The following SLC51A variants were observed in gnomAD, a reference collection of about 807,000 sequenced individuals.
SLC51A encodes organic solute transporter subunit alpha.
SLC51A carries 22 observed loss-of-function variants against 34.8 expected under a neutral mutation model. The observed-to-expected ratio is 0.63, with a 90% CI of 0.45 to 0.90. The LOEUF (loss-of-function observed/expected upper bound fraction) is 0.90. Among genes scored for constraint, SLC51A ranks in the 40% least tolerant of loss-of-function variants. The pLI is 0.00. For synonymous variants in SLC51A, 181 were observed against 176.3 expected (o/e 1.03, Z -0.21); for missense variants, 371 against 414.8 (o/e 0.89, Z 0.92).
intron 3 of SLC51A, 79 bp downstream of exon 3, chr3:196,227,198 A>ACGTCACTTC (rs147316733): frequency 0.36 from 479,257 of 1,345,820 alleles, 91,345 homozygotes; most frequent in East Asian, 0.84. Context: ...TAAACTCAGC[A>ACGTCACTTC]CGTCACTTCG....
intron 6 of SLC51A, among the ~76,000 whole-genome samples, chr3:196,229,470 C>A (rs981298298): frequency 6.6e-6 from 1 of 151,154 alleles, no homozygotes; most frequent in African/African-American, 2.4e-5. Flanking sequence ...CTCCGCCTCC[C>A]GGGTTTAAGT....
At position 196,216,825 on chromosome 3, in the gene SLC51A, C is replaced by A; in HGVS notation, c.38+75C>A. 1 of 1,423,500 alleles carries A rather than the reference C, an allele frequency of 7.0e-7. No individual in the cohort carries two copies. The highest frequency in any genetic ancestry group is 1.3e-5 in the South Asian group (1 of 76,916). The allele number at this position is 1,423,500 out of a possible 1,614,324, so 88.2% of individuals were successfully genotyped here. A position where few individuals can be genotyped will look rare whatever the true frequency, so the allele number is the denominator to read the frequency against. ...CTATCCCGCGGCCTGTCCTCTCTCC[C>A]TCCCAGAGCCCTTTGGCGGCCGCAC... On this transcript the variant is annotated intron_variant, in intron 1 of 8. Transcript: ENST00000296327. This position sits in a 1 kb window ranked among gnomAD's most constrained non-coding sequence, Gnocchi z 4.5.
intron 2 of SLC51A, 132 bp from the exon 3 acceptor site, chr3:196,226,833 G>C: frequency 1.4e-6 from 1 of 730,184 alleles, no homozygotes; most frequent in Non-Finnish European, 2.2e-6. Flanking sequence ...GAATACTCTA[G>C]GTCTAAAAAA....
chr3:196,223,605 G>A (rs550754195), intron 2 of SLC51A, among the ~76,000 whole-genome samples: 111 of 151,750 alleles, frequency 7.3e-4, no homozygotes, highest in African/African-American at 2.5e-3. Context: ...AATGGCCCCC[G>A]CTTCCCAACC....
At chr3:196,221,999 T>A (rs1029863709) in intron 2 of SLC51A, among the ~76,000 whole-genome samples, 1 of 152,164 alleles carries the variant, frequency 6.6e-6, no homozygotes, top group Admixed American at 6.5e-5. Flanking sequence ...ATGACAGGCG[T>A]GAGCCCCCCC....
At chr3:196,228,000 G>A in intron 4 of SLC51A, 115 bp from the exon 5 acceptor site, 1 of 1,401,122 alleles carries the variant, frequency 7.1e-7, no homozygotes, top group Non-Finnish European at 9.8e-7. Flanking sequence ...GCCCCTCTTG[G>A]GTCACACACC....
intron 4 of SLC51A, 65 bp downstream of exon 4, chr3:196,227,802 C>A: frequency 6.9e-7 from 1 of 1,455,396 alleles, no homozygotes; most frequent in Non-Finnish European, 9.5e-7. Flanking sequence ...GACTCGAGTC[C>A]GTGTCCTTGA....
At chr3:196,227,374 C>T in intron 3 of SLC51A, 3 of 592,264 alleles carry the variant, frequency 5.1e-6, no homozygotes, top group Non-Finnish European at 9.0e-6. Context: ...CCTTGCTCCC[C>T]GCTACAGTGT....
At chr3:196,217,655 G>A (rs999912248) in intron 1 of SLC51A, among the ~76,000 whole-genome samples, 187 bp from the exon 2 acceptor site, 2 of 151,394 alleles carry the variant, frequency 1.3e-5, no homozygotes, top group Non-Finnish European at 2.9e-5. Flanking sequence ...AAGGGGAAGG[G>A]GAAGGGAGAG....
intron 2 of SLC51A, among the ~76,000 whole-genome samples, chr3:196,222,496 A>G (rs1314346796): frequency 6.6e-6 from 1 of 151,636 alleles, no homozygotes; most frequent in Non-Finnish European, 1.5e-5. Context: ...TTAGCTGGGC[A>G]TGGTGGTGGG....
chr3:196,217,716 G>A lies in SLC51A; in HGVS notation c.39-126G>A, dbSNP rs144637935. 147 of 645,480 alleles carry A rather than the reference G, an allele frequency of 2.3e-4. 1 individual carries two copies. In the East Asian group the frequency reaches 3.2e-3, roughly 14 times the overall value. The allele number at this position is 645,480 out of a possible 1,614,324, so 40.0% of individuals were successfully genotyped here. A position where few individuals can be genotyped will look rare whatever the true frequency, so the allele number is the denominator to read the frequency against. On this transcript the variant is annotated intron_variant, in intron 1 of 8. Transcript: ENST00000296327. ...AAGGAAGGAAGGAAAGAAAGAAAGAGAGAGAAAGAGGCCCTGAGGGGAAAT... is the reference window on the plus strand; with the variant it reads ...AAGGAAGGAAGGAAAGAAAGAAAGAAAGAGAAAGAGGCCCTGAGGGGAAAT...
At position 196,232,801 on chromosome 3, in the gene SLC51A, T is replaced by TA. The variant is rs1007695432; in HGVS notation, c.887-256dup. ...CTCCTGGGAGAGGAATGGGAATGGTTAAAAAACAGAAGCCCATGTTGATTG... is the reference window on the plus strand; with the variant it reads ...CTCCTGGGAGAGGAATGGGAATGGTTAAAAAAACAGAAGCCCATGTTGATTG... On this transcript the variant is annotated intron_variant, in intron 8 of 8. Coordinates refer to ENST00000296327, the MANE Select transcript of SLC51A (RefSeq NM_152672.6). 1.0e-5 allele frequency: 6 copies of TA among 581,200 alleles called. No individual in the cohort carries two copies. In the East Asian group the frequency reaches 1.7e-4, roughly 17 times the overall value. The allele number at this position is 581,200 out of a possible 1,614,324, so 36.0% of individuals were successfully genotyped here.
chr3:196,217,100 C>T (rs1350970414), intron 1 of SLC51A, among the ~76,000 whole-genome samples: 1 of 152,220 alleles, frequency 6.6e-6, no homozygotes, highest in Admixed American at 6.5e-5. Context: ...CTGGTCAGTC[C>T]CTGGGCTGCT....
rs536787679 is a variant in SLC51A at position 196,216,720 on chromosome 3, C to T, written c.8C>T (p.Pro3Leu). Reference protein sequence around the residue: MEPGRTQIKLDPR... With the variant: MELGRTQIKLDPR... ...GCTGGAGAGAACGCGGCGATGGAGC[C>T]GGGCAGGACCCAGATAAAGCTTGAC... is the stretch of plus-strand genomic sequence containing the variant. Residue 3 changes from proline to leucine, a missense_variant, in exon 1 of 9, where the codon CCG becomes CTG. Pro to Leu is a moderately conservative substitution (Grantham distance 98). Transcript: ENST00000296327. This position sits in a 1 kb window ranked among gnomAD's most constrained non-coding sequence, Gnocchi z 4.5. 5.7e-6 allele frequency: 9 copies of T among 1,574,980 alleles called. No homozygotes were observed. The highest frequency in any genetic ancestry group is 2.3e-5 in the South Asian group (2 of 86,094).
chr3:196,221,746 C>T (rs546967547), intron 2 of SLC51A, among the ~76,000 whole-genome samples: 19 of 150,954 alleles, frequency 1.3e-4, no homozygotes, highest in African/African-American at 3.2e-4. Flanking sequence ...GACAGAGTCT[C>T]GCTCTGTCCC....
intron 3 of SLC51A, chr3:196,227,421 G>C (rs1438460825): frequency 1.7e-6 from 1 of 593,894 alleles, no homozygotes; most frequent in African/African-American, 1.9e-5. Context: ...GTTCCTCAGA[G>C]TGTGGGGGAA....
intron 2 of SLC51A, among the ~76,000 whole-genome samples, chr3:196,219,308 A>G (rs549322485): frequency 1.3e-5 from 2 of 152,322 alleles, no homozygotes; most frequent in East Asian, 3.9e-4. Context: ...CCGGACACCA[A>G]AAACATTGAG....
In SLC51A at chr3:196,227,109, C is replaced by G. The variant is rs371959133; in HGVS notation, c.278C>G (p.Ser93Trp). Residue 93 changes from serine to tryptophan, a missense_variant, in exon 3 of 9, where the codon TCG (serine) becomes TGG (tryptophan). Ser to Trp is a radical substitution (Grantham distance 177). Coordinates refer to ENST00000296327, the MANE Select transcript of SLC51A (RefSeq NM_152672.6). Reference sequence around the variant, plus strand: ...AGGCGGACTCTGCTCTGGAAGAGCTCGGCACCCACGGTGAGGCCCCCGGGG... The same window carrying G: ...AGGCGGACTCTGCTCTGGAAGAGCTGGGCACCCACGGTGAGGCCCCCGGGG... ...IKRRTLLWKS[S>W]APTVVSVLCC... is the part of the protein sequence containing the mutation. 30 of 1,613,778 alleles carry G rather than the reference C, an allele frequency of 1.9e-5. No individual in the cohort carries two copies. Among genetic ancestry groups the G allele is most frequent in the Non-Finnish European group, 2.5e-5 (30 of 1,180,006 alleles).
At chr3:196,217,803 A>T (rs775335881) in intron 1 of SLC51A, 39 bp from the exon 2 acceptor site, 1 of 1,589,232 alleles carries the variant, frequency 6.3e-7, no homozygotes, top group South Asian at 1.1e-5. Flanking sequence ...CCCTTCCCCC[A>T]GCCCCCATGG....
Sources: gnomAD v4.1 joint callset for allele counts (sites outside exome capture counted in the v4.1 genomes callset) on GRCh38, gnomAD v4.1.1 for gene constraint, Gnocchi (gnomAD v3.1) non-coding constraint, MANE v1.5 for transcripts, NCBI Gene and HGNC (gene_info 2026-07-23, HGNC 2026-07-21) for gene names.